Variants in PCDHGB5 observed in about 807,000 individuals in gnomAD.
PCDHGB5 encodes protocadherin gamma-B5.
A neutral mutation model predicts 62.9 loss-of-function variants in PCDHGB5; 48 were observed. The observed-to-expected ratio is 0.76, with a 90% confidence interval of 0.61 to 0.97. PCDHGB5 has a LOEUF of 0.97. Among genes scored for constraint, PCDHGB5 ranks in the 50% least tolerant of loss-of-function variants. The pLI, the probability that PCDHGB5 is intolerant of heterozygous loss-of-function variation, is 0.00. For missense variants in PCDHGB5, 1,118 were observed against 1,198.6 expected, an observed-to-expected ratio of 0.93 and a Z score of 0.99; for synonymous variants, 474 against 511.2, an observed-to-expected ratio of 0.93 and a Z score of 0.98.
At chr5:141,423,470 A>C (rs904433654) in intron 1 of PCDHGB5, 54 of 1,613,884 alleles carry the variant, frequency 3.3e-5, no homozygotes, top group Non-Finnish European at 4.3e-5. Context: ...GACGGGGTAC[A>C]GGCTTTCCTG....
intron 1 of PCDHGB5, among the ~76,000 whole-genome samples, chr5:141,454,649 G>A (rs1202153817): frequency 6.6e-6 from 1 of 151,800 alleles, no homozygotes; most frequent in Non-Finnish European, 1.5e-5. Context: ...CAGGTGATCT[G>A]CCCACCTCGG....
At chr5:141,415,736 TA>T in intron 1 of PCDHGB5, 1 of 1,289,980 alleles carries the variant, frequency 7.8e-7, no homozygotes, top group South Asian at 1.8e-5. Context: ...TGATGTTTAT[TA>T]AGGTTTTTTT....
intron 1 of PCDHGB5, among the ~76,000 whole-genome samples, chr5:141,437,156 G>A (rs2097864365): frequency 6.6e-6 from 1 of 152,172 alleles, no homozygotes. Flanking sequence ...TAACATATGT[G>A]TTGATTGTTT....
At chr5:141,483,333 C>G (rs566443186) in intron 1 of PCDHGB5, among the ~76,000 whole-genome samples, 1 of 152,096 alleles carries the variant, frequency 6.6e-6, no homozygotes, top group East Asian at 1.9e-4. Context: ...GCAAAGAGAT[C>G]TTATCTCTTT....
chr5:141,400,593 T>C (rs768255831), intron 1 of PCDHGB5, 69 bp downstream of exon 1: 1 of 1,602,992 alleles, frequency 6.2e-7, no homozygotes, highest in Admixed American at 1.7e-5. Flanking sequence ...GAAACTATCG[T>C]ACATTTTCAA....
chr5:141,500,574 G>A (rs2099801457), intron 2 of PCDHGB5, among the ~76,000 whole-genome samples: 1 of 152,164 alleles, frequency 6.6e-6, no homozygotes, highest in African/African-American at 2.4e-5. Context: ...ACACTTTCAT[G>A]TGACACTTTA....
intron 1 of PCDHGB5, among the ~76,000 whole-genome samples, chr5:141,492,893 C>T (rs936521362): frequency 2.0e-5 from 3 of 152,178 alleles, no homozygotes; most frequent in Admixed American, 6.5e-5. Flanking sequence ...AGGCTTTTGG[C>T]GCCGTCGTGA....
Position 141,399,143 on chromosome 5 carries a change from A to G in PCDHGB5, c.1016A>G (p.Asn339Ser), listed in dbSNP as rs750976328. Residue 339 changes from asparagine (N) to serine (S), a missense_variant, in exon 1 of 4, where the codon AAT becomes AGT. By Grantham distance (46) the Asn-to-Ser change is conservative. Coordinates refer to ENST00000617380, the MANE Select transcript of PCDHGB5 (RefSeq NM_018925.3). The stretch of plus-strand genomic sequence containing the variant: ...ATTAATATTCAAGATGAAAATGACA[A>G]TAGCCCAGAAGTTACATTCCATTCT... ...VEINIQDEND[N>S]SPEVTFHSLL... 12 of 1,613,780 alleles carry G rather than the reference A, an allele frequency of 7.4e-6. No homozygotes were observed. The highest frequency in any genetic ancestry group is 3.3e-5 in the Admixed American group (2 of 60,002).
intron 1 of PCDHGB5, among the ~76,000 whole-genome samples, chr5:141,473,775 T>A (rs1219791398): frequency 6.6e-6 from 1 of 152,190 alleles, no homozygotes; most frequent in African/African-American, 2.4e-5. Flanking sequence ...ATTTGGTATT[T>A]TAATTCAAGA....
Position 141,486,369 on chromosome 5 carries a change from C to A in PCDHGB5, c.2398-8438C>A. On this transcript the variant is annotated intron_variant, in intron 1 of 3. Coordinates refer to ENST00000617380, the MANE Select transcript of PCDHGB5 (RefSeq NM_018925.3). This position sits in a 1 kb window ranked among gnomAD's most constrained non-coding sequence, Gnocchi z 5.0. ...GACCACTTGCCATTTGCCCTCAAGT[C>A]TGCCTTCAGGAACCAGTTCTCCCTG... 6.2e-7 allele frequency: 1 copy of A among 1,614,128 alleles called. No individual in the cohort carries two copies. Among genetic ancestry groups the A allele is most frequent in the African/African-American group, 1.3e-5 (1 of 75,048 alleles).
intron 1 of PCDHGB5, chr5:141,422,963 C>G (rs372620011): frequency 1.1e-5 from 17 of 1,614,238 alleles, no homozygotes; most frequent in Non-Finnish European, 1.4e-5. Context: ...GTGGAGCTGG[C>G]GCCCCGCTCT....
intron 1 of PCDHGB5, among the ~76,000 whole-genome samples, chr5:141,492,409 C>G (rs1367119266): frequency 6.6e-6 from 1 of 152,230 alleles, no homozygotes; most frequent in Non-Finnish European, 1.5e-5. Flanking sequence ...TCCCCTCTGC[C>G]GCTCCCTCCG....
At chr5:141,428,001 T>G (rs149531447) in intron 1 of PCDHGB5, 10 of 1,601,704 alleles carry the variant, frequency 6.2e-6, no homozygotes, top group Non-Finnish European at 8.5e-6. Flanking sequence ...CTCCGCACTC[T>G]TCGATATAGT....
rs1180919465 is a variant in PCDHGB5 at position 141,410,681 on chromosome 5, G to A, written c.2397+10157G>A. On this transcript the variant is annotated intron_variant, in intron 1 of 3. Coordinates refer to ENST00000617380, the MANE Select transcript of PCDHGB5 (RefSeq NM_018925.3). ...AGTCTACTAGTTTCTCATATTTTAG[G>A]CATACTACTTTATTTTCATATCTAG... The A allele has an allele frequency of 3.9e-6, 6 of 1,535,084 alleles. No homozygotes were observed. The East Asian group carries it at 1.4e-4, about 35-fold the overall frequency.
At chr5:141,443,790 T>A (rs1178101439) in intron 1 of PCDHGB5, among the ~76,000 whole-genome samples, 2 of 151,832 alleles carry the variant, frequency 1.3e-5, no homozygotes, top group Admixed American at 6.6e-5. Flanking sequence ...ACAAAAAAAA[T>A]GAAAAGGAAA....
rs773232677 is a variant in PCDHGB5, at chr5:141,490,388, G to A, written c.2398-4419G>A. 2 of 1,614,206 alleles carry A rather than the reference G, an allele frequency of 1.2e-6. No homozygotes were observed. The highest frequency in any genetic ancestry group is 2.2e-5 in the East Asian group (1 of 44,878). The stretch of plus-strand genomic sequence containing the variant: ...CGAGACCGGGACTCAGGTAGAAATG[G>A]TGAAGTGAGCCTTGATATCTCTCCG... On this transcript the variant is annotated intron_variant, in intron 1 of 3. Transcript: ENST00000617380. The surrounding 1 kb of genome is among the most constrained non-coding windows in gnomAD (Gnocchi z 5.4).
chr5:141,424,878 G>A (rs1455273258), intron 1 of PCDHGB5, among the ~76,000 whole-genome samples: 2 of 152,162 alleles, frequency 1.3e-5, no homozygotes, highest in African/African-American at 4.8e-5. Context: ...GAGGAAAGGA[G>A]ACTTATCTAG....
At position 141,407,135 on chromosome 5, in the gene PCDHGB5, G is replaced by GA. The variant is rs796659459; in HGVS notation, c.2397+6619dup. The stretch of plus-strand genomic sequence containing the variant: ...TGGGTTTCAGTTGCTTTATTTTTAA[G>GA]AAAAAAAAGCTGAAGTGTCTGGGAA... On this transcript the variant is annotated intron_variant, in intron 1 of 3. Coordinates refer to ENST00000617380, the MANE Select transcript of PCDHGB5 (RefSeq NM_018925.3). 3.3e-5 allele frequency among the ~76,000 whole-genome samples: 5 copies of GA among 151,810 alleles called. No homozygotes were observed. In the South Asian group the frequency reaches 6.2e-4, roughly 19 times the overall value.
At chr5:141,427,922 G>T (rs949317839) in intron 1 of PCDHGB5, 2 of 1,580,624 alleles carry the variant, frequency 1.3e-6, no homozygotes, top group African/African-American at 1.3e-5. Context: ...ACATGAGCCG[G>T]CGCATGTTGG....
Sources: allele counts gnomAD v4.1 joint callset (sites outside exome capture counted in the v4.1 genomes callset), GRCh38; gene constraint gnomAD v4.1.1; non-coding constraint Gnocchi (gnomAD v3.1); transcripts MANE v1.5; gene names NCBI Gene and HGNC (gene_info 2026-07-23, HGNC 2026-07-21).